Variants in ATF6B observed in about 807,000 individuals in gnomAD.
ATF6B encodes cyclic AMP-dependent transcription factor ATF-6 beta.
Under a neutral mutation model 83.5 loss-of-function variants are expected in ATF6B, and 50 were observed. That is an observed-to-expected ratio of 0.60 (90% CI 0.48 to 0.76). ATF6B has a LOEUF of 0.76. Ranked by LOEUF, ATF6B falls within the 30% of genes least tolerant of loss-of-function variation. ATF6B has a pLI of 0.00. For missense variants in ATF6B, 790 were observed against 893.8 expected (o/e 0.88, Z 1.48); for synonymous variants, 344 against 362.8 (o/e 0.95, Z 0.59).
rs752487279 is a variant in ATF6B at position 32,119,159 on chromosome 6, C to T, written c.967-18G>A. The T allele has an allele frequency of 5.0e-6, 8 of 1,594,048 alleles. No homozygotes were observed. Among genetic ancestry groups the T allele is most frequent in the Non-Finnish European group, 6.8e-6 (8 of 1,173,688 alleles). ...AGCTTTGCCTAGGCACCCGGAAGGT[C>T]AAAAAAGAATGACAGATGAGTTGGC... On this transcript the variant is annotated intron_variant, in intron 9 of 17. Transcript: ENST00000375203. This position sits in a 1 kb window ranked among gnomAD's most constrained non-coding sequence, Gnocchi z 4.9.
In ATF6B at chr6:32,118,089, T is replaced by C; in HGVS notation, c.1245-51A>G. The C allele has an allele frequency of 6.2e-7, 1 of 1,607,760 alleles. No homozygotes were observed. The highest frequency in any genetic ancestry group is 8.5e-7 in the Non-Finnish European group (1 of 1,175,070). On this transcript the variant is annotated intron_variant, in intron 11 of 17. Transcript: ENST00000375203. This position sits in a 1 kb window ranked among gnomAD's most constrained non-coding sequence, Gnocchi z 5.2. ...AATGAAGAATTTCAGCTGTATCAAGTATCTAGGTAAGAATAAAGACTCTGC... is the reference window on the plus strand; with the variant it reads ...AATGAAGAATTTCAGCTGTATCAAGCATCTAGGTAAGAATAAAGACTCTGC...
Position 32,118,121 on chromosome 6 carries a change from A to T in ATF6B, c.1245-83T>A, listed in dbSNP as rs1781607904. ...GTAAGAATAAAGACTCTGCAGATGG[A>T]CTGCTTGAGTTGCAATCTGTTATAC... On this transcript the variant is annotated intron_variant, in intron 11 of 17. Coordinates refer to ENST00000375203, the MANE Select transcript of ATF6B (RefSeq NM_004381.5). The surrounding 1 kb of genome is among the most constrained non-coding windows in gnomAD (Gnocchi z 5.2). The T allele has an allele frequency of 6.5e-7, 1 of 1,540,484 alleles. No individual in the cohort carries two copies.
chr6:32,127,030 T>G (rs961015053), intron 4 of ATF6B, 73 bp downstream of exon 4: 25 of 1,294,466 alleles, frequency 1.9e-5, no homozygotes, highest in Admixed American at 5.7e-5. Context: ...AAATCATTTC[T>G]TTGTCACCCA....
rs368659398 is a variant in ATF6B, at chr6:32,127,511, T to C, written c.181A>G (p.Ser61Gly). 3.5e-5 allele frequency: 57 copies of C among 1,613,222 alleles called. No individual in the cohort carries two copies. Among genetic ancestry groups the C allele is most frequent in the Non-Finnish European group, 4.7e-5 (55 of 1,179,566 alleles). ...ACATCCATCCCCACGTCCAGGGAGC[T>C]GCCGTCAAACTAAATAAGGGAGGAT... ...CPEQDVPFDG[S>G]SLDVGMDVSP... Residue 61 changes from serine (S) to glycine (G), a missense_variant, in exon 3 of 18, where the codon AGC becomes GGC. This residue lies in a region of ATF6B where 253 missense variants were observed against 243.1 expected (regional missense o/e 1.04). Coordinates refer to ENST00000375203, the MANE Select transcript of ATF6B (RefSeq NM_004381.5).
Position 32,121,142 on chromosome 6 carries a change from G to A in ATF6B, c.565-18C>T, listed in dbSNP as rs1428844618. 5 of 1,601,484 alleles carry A rather than the reference G, an allele frequency of 3.1e-6. No homozygotes were observed. The South Asian group carries it at 3.3e-5, about 11-fold the overall frequency. ...ATAAAAGCCTATGTGGGGCATTCCA[G>A]AGATACATTAGTCAGGAAGAGTGTC... On this transcript the variant is annotated intron_variant, in intron 6 of 17. Transcript: ENST00000375203.
At chr6:32,126,980 C>G in intron 4 of ATF6B, 123 bp downstream of exon 4, 1 of 760,742 alleles carries the variant, frequency 1.3e-6, no homozygotes, top group Non-Finnish European at 1.9e-6. Flanking sequence ...AGGCCCCCCA[C>G]ACCTCACACA....
In ATF6B at chr6:32,119,967, GT is replaced by G. The variant is rs778078857; in HGVS notation, c.833-11del. 3.1e-6 allele frequency: 5 copies of G among 1,613,504 alleles called. No individual in the cohort carries two copies. The Admixed American group carries it at 6.7e-5, about 22-fold the overall frequency. On this transcript the variant is annotated splice_polypyrimidine_tract_variant and intron_variant, in intron 8 of 17. Coordinates refer to ENST00000375203, the MANE Select transcript of ATF6B (RefSeq NM_004381.5). The surrounding 1 kb of genome is among the most constrained non-coding windows in gnomAD (Gnocchi z 4.9). ...AGGACAACTGGGGACACTGGGGCAA[GT>G]GAGCAGAGGTCAGAGGGCTGTGCGC...
chr6:32,117,657 G>A lies in ATF6B; in HGVS notation c.1462C>T (p.Leu488=). 6.2e-7 allele frequency: 1 copy of A among 1,614,222 alleles called. No homozygotes were observed. The highest frequency in any genetic ancestry group is 1.1e-5 in the South Asian group (1 of 91,078). ...AAGAGCTGGTCTAGGTCTCTTAGTA[G>A]TAGCTCCTTGGCGCCCCCAGGGAAG... ...TAFPGGAKEL[L]LRDLDQLFLS... The change falls in exon 13 of 18, where the codon CTA becomes TTA. Residue 488 remains leucine (L), a synonymous_variant. Transcript: ENST00000375203. This position sits in a 1 kb window ranked among gnomAD's most constrained non-coding sequence, Gnocchi z 5.0.
rs267600974 is a variant in ATF6B, at chr6:32,115,861, G to A, written c.1990C>T (p.Pro664Ser). 1.9e-6 allele frequency: 3 copies of A among 1,614,190 alleles called. No homozygotes were observed. The highest frequency in any genetic ancestry group is 2.5e-6 in the Non-Finnish European group (3 of 1,180,040). Residue 664 changes from proline (P) to serine (S), a missense_variant, in exon 18 of 18, where the codon CCC becomes TCC. Pro to Ser is a moderately conservative substitution (Grantham distance 74). Coordinates refer to ENST00000375203, the MANE Select transcript of ATF6B (RefSeq NM_004381.5). The part of the protein sequence containing the change: ...VIHIKTSTVP[P>S]SLRKQPSPTP... Reference sequence around the variant, plus strand: ...GGGGATGGCTGTTTTCGGAGCGAGGGGGGCACTGTGGAGGTCTTGATGTGA... The same window carrying A: ...GGGGATGGCTGTTTTCGGAGCGAGGAGGGCACTGTGGAGGTCTTGATGTGA...
intron 5 of ATF6B, among the ~76,000 whole-genome samples, chr6:32,123,677 T>C (rs942592812): frequency 2.6e-5 from 4 of 152,146 alleles, no homozygotes; most frequent in Non-Finnish European, 4.4e-5. Flanking sequence ...TGTGAACCAC[T>C]GTGCCTGGCC....
At chr6:32,127,372 G>A (rs1031074839) in intron 3 of ATF6B, 70 bp downstream of exon 3, 86 of 1,519,964 alleles carry the variant, frequency 5.7e-5, no homozygotes, top group Non-Finnish European at 6.7e-5. Flanking sequence ...AGGAAGCTAC[G>A]TAGTTTCTGG....
At position 32,118,697 on chromosome 6, in the gene ATF6B, C is replaced by G; in HGVS notation, c.1244+78G>C. ...TTGTATATAAGCAGAAGGAAATGGC[C>G]TGGGCCAAAGCAGGCAGCTAGGAGG... On this transcript the variant is annotated intron_variant, in intron 11 of 17. Coordinates refer to ENST00000375203, the MANE Select transcript of ATF6B (RefSeq NM_004381.5). The surrounding 1 kb of genome is among the most constrained non-coding windows in gnomAD (Gnocchi z 5.2). The G allele has an allele frequency of 6.8e-7, 1 of 1,460,246 alleles. No individual in the cohort carries two copies. The highest frequency in any genetic ancestry group is 9.6e-7 in the Non-Finnish European group (1 of 1,046,092). 90.5% of individuals were successfully genotyped at this position (1,460,246 alleles called of 1,614,324 possible).
intron 5 of ATF6B, among the ~76,000 whole-genome samples, chr6:32,122,974 C>G (rs1303735423): frequency 6.6e-6 from 1 of 151,900 alleles, no homozygotes; most frequent in Non-Finnish European, 1.5e-5. Flanking sequence ...AATCCCAGCA[C>G]TTTGGGAGGC....
rs780827655 is a variant in ATF6B at position 32,117,839 on chromosome 6, C to A, written c.1424+20G>T. ...ACTCATACCCTCAAACGAGAGGGGG[C>A]CCTCTCTCTCTCTCCTCACCTGAAA... On this transcript the variant is annotated intron_variant, in intron 12 of 17. Transcript: ENST00000375203. The surrounding 1 kb of genome is among the most constrained non-coding windows in gnomAD (Gnocchi z 5.0). 6.4e-7 allele frequency: 1 copy of A among 1,555,488 alleles called. No individual in the cohort carries two copies. Among genetic ancestry groups the A allele is most frequent in the Non-Finnish European group, 8.7e-7 (1 of 1,153,826 alleles).
At chr6:32,122,286 C>T (rs1334976942) in intron 5 of ATF6B, among the ~76,000 whole-genome samples, 1 of 152,186 alleles carries the variant, frequency 6.6e-6, no homozygotes, top group African/African-American at 2.4e-5. Flanking sequence ...ACCTCTGAGC[C>T]TCCATGGCCT....
chr6:32,119,044 G>A lies in ATF6B; in HGVS notation c.1064C>T (p.Ala355Val), dbSNP rs1562905166. The change falls in exon 10 of 18, where the codon GCT becomes GTT. Residue 355 changes from alanine to valine, a missense_variant. This residue lies in a region of ATF6B where 530 missense variants were observed against 632.6 expected (regional missense o/e 0.84). Transcript: ENST00000375203. This position sits in a 1 kb window ranked among gnomAD's most constrained non-coding sequence, Gnocchi z 4.9. ...GTCAGCCAGTACTGCTTGCAGCCGA[G>A]CCTCCAGTCCCTGCAGATACTCTTT... ...KKKEYLQGLE[A>V]RLQAVLADNQ... 1 of 1,614,190 alleles carries A rather than the reference G, an allele frequency of 6.2e-7. No homozygotes were observed. The highest frequency in any genetic ancestry group is 1.7e-5 in the Admixed American group (1 of 60,026).
Position 32,119,164 on chromosome 6 carries a change from A to G in ATF6B, c.967-23T>C, listed in dbSNP as rs1781655120. The G allele has an allele frequency of 6.3e-7, 1 of 1,595,182 alleles. No homozygotes were observed. The highest frequency in any genetic ancestry group is 8.5e-7 in the Non-Finnish European group (1 of 1,173,502). ...TGCCTAGGCACCCGGAAGGTCAAAA[A>G]AGAATGACAGATGAGTTGGCAGAAG... On this transcript the variant is annotated intron_variant, in intron 9 of 17. Transcript: ENST00000375203. This position sits in a 1 kb window ranked among gnomAD's most constrained non-coding sequence, Gnocchi z 4.9.
Position 32,119,042 on chromosome 6 carries a change from G to A in ATF6B, c.1066C>T (p.Arg356Trp), listed in dbSNP as rs894885466. 3.7e-6 allele frequency: 6 copies of A among 1,614,172 alleles called. No homozygotes were observed. The highest frequency in any genetic ancestry group is 5.1e-6 in the Non-Finnish European group (6 of 1,180,030). Residue 356 changes from arginine (R) to tryptophan (W), a missense_variant, in exon 10 of 18, where the codon CGG becomes TGG. Physicochemically the swap from Arg to Trp is moderately radical, Grantham distance 101. This residue lies in a region of ATF6B where 530 missense variants were observed against 632.6 expected (regional missense o/e 0.84). Coordinates refer to ENST00000375203, the MANE Select transcript of ATF6B (RefSeq NM_004381.5). The surrounding 1 kb of genome is among the most constrained non-coding windows in gnomAD (Gnocchi z 4.9). ...KKEYLQGLEA[R>W]LQAVLADNQQ... is the part of the protein sequence containing the mutation. Reference sequence around the variant, plus strand: ...TTGTCAGCCAGTACTGCTTGCAGCCGAGCCTCCAGTCCCTGCAGATACTCT... The same window carrying A: ...TTGTCAGCCAGTACTGCTTGCAGCCAAGCCTCCAGTCCCTGCAGATACTCT...
chr6:32,118,413 G>A lies in ATF6B; in HGVS notation c.1244+362C>T. On this transcript the variant is annotated intron_variant, in intron 11 of 17. Transcript: ENST00000375203. The surrounding 1 kb of genome is among the most constrained non-coding windows in gnomAD (Gnocchi z 5.2). ...TTCGAGACCAGCCTGGGCAACAACA[G>A]TGAAACCCTGTCTCTACTAAAAAAT... Among the ~76,000 whole-genome samples, 1 of 152,168 alleles carries A rather than the reference G, an allele frequency of 6.6e-6. No individual in the cohort carries two copies. The highest frequency in any genetic ancestry group is 1.5e-5 in the Non-Finnish European group (1 of 68,038).
Sources: gnomAD v4.1 joint callset for allele counts (sites outside exome capture counted in the v4.1 genomes callset) on GRCh38, gnomAD v4.1.1 for gene constraint, gnomAD v4.1.1 regional missense constraint, Gnocchi (gnomAD v3.1) non-coding constraint, MANE v1.5 for transcripts, NCBI Gene and HGNC (gene_info 2026-07-23, HGNC 2026-07-21) for gene names.